The following ARMC8 variants were observed in gnomAD, a reference collection of about 807,000 sequenced individuals.
ARMC8 encodes armadillo repeat containing 8, also known as armadillo repeat-containing protein 8.
A neutral mutation model predicts 99.3 loss-of-function variants in ARMC8; 20 were observed. The ratio of observed to expected loss-of-function variants is 0.20; its 90% CI spans 0.14 to 0.29. ARMC8 has a LOEUF of 0.29. ARMC8 is among the 10% of genes least tolerant of loss of function. The pLI, the probability that ARMC8 is intolerant of heterozygous loss-of-function variation, is 1.00. For missense variants in ARMC8, 569 were observed against 809.5 expected, an observed-to-expected ratio of 0.70 and a Z score of 3.60; for synonymous variants, 263 against 278.3, an observed-to-expected ratio of 0.95 and a Z score of 0.55.
At chr3:138,209,246 A>G (rs1018274563) in intron 1 of ARMC8, among the ~76,000 whole-genome samples, 2 of 152,220 alleles carry the variant, frequency 1.3e-5, no homozygotes, top group African/African-American at 4.8e-5. Context: ...CTAAGTGTAT[A>G]TGCTAACATA....
At chr3:138,218,338 C>A (rs774470287) in intron 2 of ARMC8, among the ~76,000 whole-genome samples, 10 of 152,150 alleles carry the variant, frequency 6.6e-5, no homozygotes, top group Non-Finnish European at 1.2e-4. Context: ...CTTCTGTGAT[C>A]AAAAATATGA....
intron 11 of ARMC8, among the ~76,000 whole-genome samples, chr3:138,243,793 C>T (rs371121717): frequency 3.3e-5 from 5 of 152,168 alleles, no homozygotes; most frequent in African/African-American, 1.2e-4. Context: ...TCAGTGTTTT[C>T]TAGCTAATAA....
chr3:138,239,712 G>A (rs1391194875), intron 10 of ARMC8, among the ~76,000 whole-genome samples, 184 bp downstream of exon 10: 2 of 152,088 alleles, frequency 1.3e-5, no homozygotes, highest in East Asian at 3.8e-4. Flanking sequence ...ATTGATTTTA[G>A]ATGTGTTTCG....
At chr3:138,247,783 A>G (rs2046950356) in intron 12 of ARMC8, among the ~76,000 whole-genome samples, 1 of 152,190 alleles carries the variant, frequency 6.6e-6, no homozygotes. Context: ...AGAGAATATT[A>G]AGCTGAAGAT....
chr3:138,293,600 A>C (rs189003904), intron 21 of ARMC8, among the ~76,000 whole-genome samples: 1 of 151,990 alleles, frequency 6.6e-6, no homozygotes, highest in East Asian at 1.9e-4. Flanking sequence ...TGGTCAGATG[A>C]GTGTACCATC....
At chr3:138,213,835 T>G (rs565245300) in intron 2 of ARMC8, among the ~76,000 whole-genome samples, 4 of 152,176 alleles carry the variant, frequency 2.6e-5, no homozygotes, top group Non-Finnish European at 5.9e-5. Context: ...GAGCACTTGA[T>G]CTGGTTTTCA....
chr3:138,226,599 A>G lies in ARMC8; in HGVS notation c.436-2319A>G, dbSNP rs2045709459. Among the ~76,000 whole-genome samples, 3 of 152,202 alleles carry G rather than the reference A, an allele frequency of 2.0e-5. No homozygotes were observed. In the South Asian group the frequency reaches 6.2e-4, roughly 31 times the overall value. On this transcript the variant is annotated intron_variant, in intron 5 of 21. Coordinates refer to ENST00000469044, the MANE Select transcript of ARMC8 (RefSeq NM_001363941.2). ...AAGGATCCCATAGAGGGCTTAGTTAATATCAGTTTATTTTCCTGTAGTTCA... is the reference window on the plus strand; with the variant it reads ...AAGGATCCCATAGAGGGCTTAGTTAGTATCAGTTTATTTTCCTGTAGTTCA...
rs1380807596 is a variant in ARMC8, at chr3:138,274,681, T to C, written c.1725+137T>C. ...GATGCTCTAGAAATAGGAAGAAATA[T>C]CTTCCACCATCCCTTAAACTCTCTT... is the stretch of plus-strand genomic sequence containing the variant. On this transcript the variant is annotated intron_variant, in intron 18 of 21. Transcript: ENST00000469044. 8 of 642,936 alleles carry C rather than the reference T, an allele frequency of 1.2e-5. No individual in the cohort carries two copies. In the East Asian group the frequency reaches 2.2e-4, roughly 18 times the overall value. The allele number at this position is 642,936 out of a possible 1,614,324, so 39.8% of individuals were successfully genotyped here.
intron 6 of ARMC8, among the ~76,000 whole-genome samples, chr3:138,233,052 C>T (rs547559601): frequency 6.6e-6 from 1 of 152,308 alleles, no homozygotes; most frequent in East Asian, 1.9e-4. Context: ...CGAATCCTTA[C>T]GAGACCCCTG....
At chr3:138,191,155 T>C (rs1378950947) in intron 1 of ARMC8, among the ~76,000 whole-genome samples, 1 of 152,216 alleles carries the variant, frequency 6.6e-6, no homozygotes, top group East Asian at 1.9e-4. Flanking sequence ...AGTAACACTT[T>C]GTCTTGCAAA....
intron 11 of ARMC8, among the ~76,000 whole-genome samples, chr3:138,243,223 G>A (rs1299784457): frequency 6.6e-6 from 1 of 152,194 alleles, no homozygotes; most frequent in African/African-American, 2.4e-5. Context: ...CTAGTACGTA[G>A]ATTATCCCTT....
chr3:138,238,672 G>A (rs1265102306), intron 9 of ARMC8: 1 of 152,148 alleles, frequency 6.6e-6, no homozygotes, highest in Non-Finnish European at 1.5e-5. Context: ...AAACAATATG[G>A]TAACAAGCCT....
chr3:138,293,767 T>C (rs978342680), intron 21 of ARMC8, among the ~76,000 whole-genome samples: 2 of 152,172 alleles, frequency 1.3e-5, no homozygotes, highest in African/African-American at 4.8e-5. Flanking sequence ...TTATCTCATA[T>C]TTATTCAGAA....
chr3:138,281,257 T>C (rs1447196552), intron 18 of ARMC8, among the ~76,000 whole-genome samples: 1 of 151,638 alleles, frequency 6.6e-6, no homozygotes, highest in African/African-American at 2.4e-5. Flanking sequence ...GTTCCTTAGC[T>C]CACATATTCA....
chr3:138,190,656 C>A (rs1196466510), intron 1 of ARMC8, among the ~76,000 whole-genome samples: 2 of 152,206 alleles, frequency 1.3e-5, no homozygotes, highest in African/African-American at 4.8e-5. Flanking sequence ...TAGAGTGATA[C>A]AGAATTCTTC....
At chr3:138,267,304 T>C (rs1477685247) in intron 15 of ARMC8, 63 bp downstream of exon 15, 1 of 983,328 alleles carries the variant, frequency 1.0e-6, no homozygotes, top group East Asian at 2.7e-5. Flanking sequence ...TCAAATACTT[T>C]TTATAGTAGT....
intron 12 of ARMC8, among the ~76,000 whole-genome samples, chr3:138,263,319 G>A (rs568408438): frequency 1.0e-3 from 156 of 152,330 alleles, no homozygotes; most frequent in African/African-American, 3.2e-3. Flanking sequence ...GGGTGGCTCT[G>A]TCCTAAGCCC....
chr3:138,261,960 C>G (rs941694471), intron 12 of ARMC8: 2 of 152,300 alleles, frequency 1.3e-5, no homozygotes, highest in African/African-American at 4.8e-5. Context: ...GAGGTAGCTA[C>G]CATAAGGAAC....
At chr3:138,260,658 A>G (rs753914233) in intron 12 of ARMC8, among the ~76,000 whole-genome samples, 2 of 152,170 alleles carry the variant, frequency 1.3e-5, no homozygotes, top group Non-Finnish European at 2.9e-5. Context: ...CTATGGCTAT[A>G]CTGAGATATA....
Sources: gnomAD v4.1 joint callset for allele counts (sites outside exome capture counted in the v4.1 genomes callset) on GRCh38, gnomAD v4.1.1 for gene constraint, MANE v1.5 for transcripts, NCBI Gene and HGNC (gene_info 2026-07-23, HGNC 2026-07-21) for gene names.